Variants in PRKN observed in about 807,000 individuals in gnomAD.
PRKN encodes parkin RBR E3 ubiquitin protein ligase.
PRKN carries 56 observed loss-of-function variants against 59.5 expected under a neutral mutation model. The ratio of observed to expected loss-of-function variants is 0.94; its 90% CI spans 0.76 to 1.18. The LOEUF is 1.18. Among genes scored for constraint, PRKN ranks in the 50% most tolerant of loss-of-function variants. The pLI is 0.00. For missense variants in PRKN, 657 were observed against 596.4 expected (o/e 1.10, Z -1.06); for synonymous variants, 250 against 222.1 (o/e 1.13, Z -1.12).
chr6:162,621,342 C>T (rs1434709287), intron 1 of PRKN, among the ~76,000 whole-genome samples: 2 of 152,186 alleles, frequency 1.3e-5, no homozygotes, highest in African/African-American at 4.8e-5. Flanking sequence ...AGGAATCCTG[C>T]TGCCAAGAGA....
Position 161,426,705 on chromosome 6 carries a change from C to A in PRKN, c.1084-39828G>T, listed in dbSNP as rs1230952160. On this transcript the variant is annotated intron_variant, in intron 9 of 11. Transcript: ENST00000366898. ...CTATTAGTTCTGTCCCTCTGGAGAA[C>A]CCTAATATAGTTATTTATTTATTTA... Among the ~76,000 whole-genome samples the A allele has an allele frequency of 3.6e-5, 5 of 138,778 alleles. No homozygotes were observed. The East Asian group carries it at 6.0e-4, about 17-fold the overall frequency. The allele number at this position is 138,778 out of a possible 152,430, so 91.0% of individuals were successfully genotyped here. A position where few individuals can be genotyped will look rare whatever the true frequency, so the allele number is the denominator to read the frequency against.
intron 4 of PRKN, among the ~76,000 whole-genome samples, chr6:162,074,312 G>A (rs1778720779): frequency 1.6e-5 from 2 of 128,882 alleles, no homozygotes; most frequent in African/African-American, 6.1e-5. Flanking sequence ...TAAAAATGAT[G>A]AGTTCATGTC....
chr6:161,868,616 C>T (rs1794219566), intron 6 of PRKN, among the ~76,000 whole-genome samples: 1 of 152,102 alleles, frequency 6.6e-6, no homozygotes, highest in African/African-American at 2.4e-5. Flanking sequence ...GAAATTAATA[C>T]TTTGCTCTTA....
intron 5 of PRKN, among the ~76,000 whole-genome samples, chr6:162,020,171 T>C (rs1381675531): frequency 1.3e-5 from 2 of 151,734 alleles, no homozygotes; most frequent in African/African-American, 2.4e-5. Flanking sequence ...AACTGTGTTT[T>C]TGTGGCTTGG....
In PRKN at chr6:162,452,341, G is replaced by A. The variant is rs1419179419; in HGVS notation, c.8-8868C>T. On this transcript the variant is annotated intron_variant, in intron 1 of 11. Coordinates refer to ENST00000366898, the MANE Select transcript of PRKN (RefSeq NM_004562.3). ...AGCATCATAAGTGCTAAATACAGAAGATAATTAGGTAGGAATTTTTTTGCT... is the reference window on the plus strand; with the variant it reads ...AGCATCATAAGTGCTAAATACAGAAAATAATTAGGTAGGAATTTTTTTGCT... Among the ~76,000 whole-genome samples, 9 of 152,068 alleles carry A rather than the reference G, an allele frequency of 5.9e-5. 1 individual carries two copies. The East Asian group carries it at 1.5e-3, about 26-fold the overall frequency.
At chr6:161,559,387 C>A (rs1166766952) in intron 8 of PRKN, among the ~76,000 whole-genome samples, 1 of 152,180 alleles carries the variant, frequency 6.6e-6, no homozygotes, top group Non-Finnish European at 1.5e-5. Context: ...GGTGGTGAAG[C>A]GTCTCCTGAT....
chr6:162,302,192 A>C (rs768827734), intron 2 of PRKN, among the ~76,000 whole-genome samples: 1 of 151,960 alleles, frequency 6.6e-6, no homozygotes, highest in Non-Finnish European at 1.5e-5. Flanking sequence ...GGCCTTCATA[A>C]CCTCACACCT....
At chr6:161,688,392 T>C (rs1785647522) in intron 7 of PRKN, among the ~76,000 whole-genome samples, 1 of 152,230 alleles carries the variant, frequency 6.6e-6, no homozygotes, top group Admixed American at 6.5e-5. Context: ...GGGAAGAGCC[T>C]ATGCTCTCAT....
chr6:162,272,065 C>G (rs1780414873), intron 2 of PRKN, among the ~76,000 whole-genome samples: 1 of 152,112 alleles, frequency 6.6e-6, no homozygotes, highest in South Asian at 2.1e-4. Context: ...GGCCTGAGAC[C>G]TTTCTGCTGC....
At chr6:162,497,699 T>G (rs1793131590) in intron 1 of PRKN, among the ~76,000 whole-genome samples, 1 of 152,162 alleles carries the variant, frequency 6.6e-6, no homozygotes, top group African/African-American at 2.4e-5. Flanking sequence ...ACTTCTTACA[T>G]GCCATGCGAA....
At position 162,551,607 on chromosome 6, in the gene PRKN, T is replaced by C. The variant is rs562928299; in HGVS notation, c.8-108134A>G. Among the ~76,000 whole-genome samples the C allele has an allele frequency of 4.6e-5, 7 of 152,282 alleles. No homozygotes were observed. In the South Asian group the frequency reaches 6.2e-4, roughly 14 times the overall value. ...TATAAAAACATACACAACTCCTAAG[T>C]ACATGGTTGAGTTTTTATAAAGCAA... On this transcript the variant is annotated intron_variant, in intron 1 of 11. Coordinates refer to ENST00000366898, the MANE Select transcript of PRKN (RefSeq NM_004562.3).
chr6:162,488,027 C>CTTT (rs752587530), intron 1 of PRKN, among the ~76,000 whole-genome samples: 352 of 109,392 alleles, frequency 3.2e-3, no homozygotes, highest in Non-Finnish European at 4.4e-3. Context: ...CACCATTTCC[C>CTTT]TTTTTTTTTT....
chr6:162,600,782 T>TG (rs1260491990), intron 1 of PRKN, among the ~76,000 whole-genome samples: 1 of 152,154 alleles, frequency 6.6e-6, no homozygotes, highest in Non-Finnish European at 1.5e-5. Context: ...CCTCCTGCTA[T>TG]GGCCATTTAA....
rs1310803565 is a variant in PRKN at position 161,423,520 on chromosome 6, C to A, written c.1084-36643G>T. On this transcript the variant is annotated intron_variant, in intron 9 of 11. Coordinates refer to ENST00000366898, the MANE Select transcript of PRKN (RefSeq NM_004562.3). This position sits in a 1 kb window ranked among gnomAD's most constrained non-coding sequence, Gnocchi z 5.9. ...TTGTCAAGCTCTGGAATGTGGATGACAAAGGACATCTTAAAATTCCTTGAT... is the reference window on the plus strand; with the variant it reads ...TTGTCAAGCTCTGGAATGTGGATGAAAAAGGACATCTTAAAATTCCTTGAT... Among the ~76,000 whole-genome samples, 1 of 152,170 alleles carries A rather than the reference C, an allele frequency of 6.6e-6. No individual in the cohort carries two copies. The highest frequency in any genetic ancestry group is 1.5e-5 in the Non-Finnish European group (1 of 68,032).
At chr6:162,488,107 A>G (rs1792640169) in intron 1 of PRKN, among the ~76,000 whole-genome samples, 1 of 139,186 alleles carries the variant, frequency 7.2e-6, no homozygotes, top group Non-Finnish European at 1.5e-5. Context: ...GCAATTTTTC[A>G]CTTGTCCTGA....
At chr6:161,389,924 A>G (rs1786432669) in intron 9 of PRKN, among the ~76,000 whole-genome samples, 2 of 152,226 alleles carry the variant, frequency 1.3e-5, no homozygotes, top group South Asian at 4.1e-4. Flanking sequence ...AGTACTACAA[A>G]GAATGGACTA....
chr6:162,166,435 A>T (rs1782993119), intron 4 of PRKN, among the ~76,000 whole-genome samples: 1 of 152,154 alleles, frequency 6.6e-6, no homozygotes, highest in Non-Finnish European at 1.5e-5. Context: ...CTGGGGGGTG[A>T]TAATGCTCTG....
intron 7 of PRKN, among the ~76,000 whole-genome samples, chr6:161,712,865 T>C (rs1213271407): frequency 6.6e-6 from 1 of 152,162 alleles, no homozygotes; most frequent in African/African-American, 2.4e-5. Flanking sequence ...TATGACCAGA[T>C]GGTGGTGGGG....
intron 9 of PRKN, among the ~76,000 whole-genome samples, chr6:161,392,152 T>C (rs1786536307): frequency 1.3e-5 from 2 of 151,912 alleles, no homozygotes; most frequent in South Asian, 4.2e-4. Flanking sequence ...TTGGCCAAGC[T>C]GGTCTCGAAC....
Sources: gnomAD v4.1 joint callset for allele counts (sites outside exome capture counted in the v4.1 genomes callset) on GRCh38, gnomAD v4.1.1 for gene constraint, Gnocchi (gnomAD v3.1) non-coding constraint, MANE v1.5 for transcripts, NCBI Gene and HGNC (gene_info 2026-07-23, HGNC 2026-07-21) for gene names.